ARHGAP24: variants seen among roughly 807,000 people sequenced by gnomAD.
The protein encoded by ARHGAP24 is rho GTPase-activating protein 24.
Under a neutral mutation model 76.4 loss-of-function variants are expected in ARHGAP24, and 50 were observed. The observed-to-expected ratio is 0.65, with a 90% confidence interval of 0.52 to 0.83. The LOEUF (loss-of-function observed/expected upper bound fraction) is 0.83. Among genes scored for constraint, ARHGAP24 ranks in the 40% least tolerant of loss-of-function variants. ARHGAP24 has a pLI of 0.00. For synonymous variants in ARHGAP24, 345 were observed against 323.3 expected (o/e 1.07, Z -0.72); for missense variants, 930 against 914.2 (o/e 1.02, Z -0.22).
At chr4:85,589,462 A>G (rs754913948) in intron 2 of ARHGAP24, among the ~76,000 whole-genome samples, 6 of 152,202 alleles carry the variant, frequency 3.9e-5, no homozygotes, top group Non-Finnish European at 7.3e-5. Flanking sequence ...GGACTGATTG[A>G]CTTGACTAGG....
chr4:85,519,752 A>G (rs1247520919), intron 1 of ARHGAP24, among the ~76,000 whole-genome samples: 2 of 152,196 alleles, frequency 1.3e-5, no homozygotes, highest in Admixed American at 1.3e-4. Flanking sequence ...TTAAGGCACC[A>G]TTCCATGTGT....
intron 8 of ARHGAP24, among the ~76,000 whole-genome samples, chr4:85,982,758 C>G (rs1353928335): frequency 6.6e-6 from 1 of 151,578 alleles, no homozygotes; most frequent in African/African-American, 2.4e-5. Context: ...GTTTTTTTAA[C>G]TTGTTTTATT....
chr4:85,894,917 T>C (rs1734055788), intron 3 of ARHGAP24, among the ~76,000 whole-genome samples: 2 of 119,488 alleles, frequency 1.7e-5, no homozygotes, highest in African/African-American at 6.7e-5. Context: ...GTAGAGATCA[T>C]ACCACTGTAC....
intron 2 of ARHGAP24, among the ~76,000 whole-genome samples, chr4:85,681,195 A>G (rs1024752203): frequency 9.2e-5 from 14 of 152,168 alleles, no homozygotes; most frequent in Non-Finnish European, 5.9e-5. Flanking sequence ...ATGAGACAGT[A>G]GGATTAAATA....
intron 2 of ARHGAP24, among the ~76,000 whole-genome samples, chr4:85,711,315 C>CA (rs36067662): frequency 0.14 from 20,616 of 151,694 alleles, 1,830 homozygotes; most frequent in East Asian, 0.33. Flanking sequence ...ACCTGGGTGA[C>CA]AAAAAAATCT....
intron 2 of ARHGAP24, among the ~76,000 whole-genome samples, chr4:85,591,031 GTTTTTTTTTTTTT>G (rs35373441): frequency 1.3e-4 from 8 of 62,610 alleles, no homozygotes; most frequent in African/African-American, 4.8e-4. Flanking sequence ...AATCTGCTGG[GTTTTTTTTTTTTT>G]TTTTTTTTTT....
intron 3 of ARHGAP24, among the ~76,000 whole-genome samples, chr4:85,780,838 A>T (rs1207018742): frequency 6.6e-6 from 1 of 152,214 alleles, no homozygotes; most frequent in Admixed American, 6.5e-5. Flanking sequence ...AGAGGTTGCC[A>T]TGGAAGTAGT....
At chr4:85,922,207 A>T (rs1735757349) in intron 3 of ARHGAP24, among the ~76,000 whole-genome samples, 1 of 152,214 alleles carries the variant, frequency 6.6e-6, no homozygotes, top group Non-Finnish European at 1.5e-5. Flanking sequence ...TGGTTGGCTT[A>T]TAGTTATTGC....
At chr4:85,534,168 C>T (rs1725376128) in intron 1 of ARHGAP24, among the ~76,000 whole-genome samples, 1 of 152,150 alleles carries the variant, frequency 6.6e-6, no homozygotes, top group African/African-American at 2.4e-5. Context: ...GTATCTATTC[C>T]TCTATTATCA....
chr4:85,485,990 C>T (rs563856820), intron 1 of ARHGAP24, among the ~76,000 whole-genome samples: 10 of 152,232 alleles, frequency 6.6e-5, no homozygotes, highest in Non-Finnish European at 1.3e-4. Flanking sequence ...CCACTCACCT[C>T]GGCCTCCCAA....
chr4:85,972,019 C>T lies in ARHGAP24; in HGVS notation c.600-17C>T, dbSNP rs769338344. ...AAGTTTACTCCAAAGAATATCTTCA[C>T]ACTTCTGTCTCCACAGCAACACAGA... On this transcript the variant is annotated splice_polypyrimidine_tract_variant and intron_variant, in intron 5 of 9. Transcript: ENST00000395184. 11 of 1,613,954 alleles carry T rather than the reference C, an allele frequency of 6.8e-6. No homozygotes were observed. The highest frequency in any genetic ancestry group is 3.3e-4 in the Middle Eastern group (2 of 6,062).
chr4:85,971,214 A>T (rs910158179), intron 5 of ARHGAP24, among the ~76,000 whole-genome samples: 7 of 152,350 alleles, frequency 4.6e-5, no homozygotes, highest in African/African-American at 1.7e-4. Flanking sequence ...TCGAGTATCT[A>T]TAGGCAAACA....
At chr4:85,742,093 A>C (rs343848) in intron 3 of ARHGAP24, among the ~76,000 whole-genome samples, 106,365 of 152,048 alleles carry the variant, frequency 0.7, 38,707 homozygotes, top group Non-Finnish European at 0.82. Flanking sequence ...CACCCAGGCC[A>C]ATTGCCATGT....
chr4:85,724,539 ATT>A (rs1725095073), intron 3 of ARHGAP24, among the ~76,000 whole-genome samples: 1 of 134,026 alleles, frequency 7.5e-6, no homozygotes, highest in African/African-American at 3.0e-5. Flanking sequence ...AGGAATTTTT[ATT>A]TTGTTTTATT....
chr4:85,687,628 A>G (rs1336384343), intron 2 of ARHGAP24, among the ~76,000 whole-genome samples: 1 of 152,188 alleles, frequency 6.6e-6, no homozygotes, highest in Non-Finnish European at 1.5e-5. Context: ...TCTGTGTTGT[A>G]TATATACCAT....
chr4:85,885,194 T>G (rs1222409227), intron 3 of ARHGAP24, among the ~76,000 whole-genome samples: 4 of 152,156 alleles, frequency 2.6e-5, no homozygotes, highest in Non-Finnish European at 5.9e-5. Flanking sequence ...TTCCTTTATG[T>G]AAAGTTTAAT....
At chr4:85,542,058 C>T (rs1725725424) in intron 1 of ARHGAP24, among the ~76,000 whole-genome samples, 1 of 152,140 alleles carries the variant, frequency 6.6e-6, no homozygotes, top group Non-Finnish European at 1.5e-5. Flanking sequence ...CTTCTATAAG[C>T]ATCTTAAAAC....
chr4:85,573,038 G>A (rs201811282), intron 2 of ARHGAP24, among the ~76,000 whole-genome samples: 1 of 151,556 alleles, frequency 6.6e-6, no homozygotes, highest in Non-Finnish European at 1.5e-5. Flanking sequence ...CACCACACCC[G>A]GCTAATTTTT....
chr4:85,515,993 A>G (rs1046487678), intron 1 of ARHGAP24, among the ~76,000 whole-genome samples: 2 of 152,202 alleles, frequency 1.3e-5, no homozygotes, highest in Non-Finnish European at 2.9e-5. Context: ...AGGACCTGGA[A>G]TAACATCTTT....
Sources: gnomAD v4.1 joint callset for allele counts (sites outside exome capture counted in the v4.1 genomes callset) on GRCh38, gnomAD v4.1.1 for gene constraint, MANE v1.5 for transcripts, NCBI Gene and HGNC (gene_info 2026-07-23, HGNC 2026-07-21) for gene names.